The following ORC2 variants were observed in gnomAD, a reference collection of about 807,000 sequenced individuals.
ORC2 encodes the protein origin recognition complex subunit 2.
A neutral mutation model predicts 77.7 loss-of-function variants in ORC2; 37 were observed. The ratio of observed to expected loss-of-function variants is 0.48; its 90% CI spans 0.37 to 0.63. The LOEUF (loss-of-function observed/expected upper bound fraction) is 0.63, where lower values mean the gene tolerates loss of function less well. Ranked by LOEUF, ORC2 falls within the 20% of genes least tolerant of loss-of-function variation. The probability of loss-of-function intolerance (pLI) is 0.00; values close to 1 mark genes in which losing one functional copy is unlikely to be tolerated. For synonymous variants in ORC2, 201 were observed against 229.5 expected, an observed-to-expected ratio of 0.88 and a Z score of 1.12; for missense variants, 557 against 661.9, an observed-to-expected ratio of 0.84 and a Z score of 1.74.
chr2:200,950,959 G>GA (rs1245020909), intron 4 of ORC2, among the ~76,000 whole-genome samples: 1 of 152,074 alleles, frequency 6.6e-6, no homozygotes, highest in African/African-American at 2.4e-5. Flanking sequence ...TTTCTTCTCA[G>GA]AAAAAATATC....
intron 5 of ORC2, 59 bp downstream of exon 5, chr2:200,949,492 TGTG>T (rs2041312114): frequency 1.2e-6 from 1 of 852,060 alleles, no homozygotes; most frequent in Non-Finnish European, 2.0e-6. Context: ...TCATGGGGAA[TGTG>T]GTTAAATCTA....
intron 7 of ORC2, among the ~76,000 whole-genome samples, chr2:200,938,803 G>C (rs1257611760): frequency 1.3e-5 from 2 of 152,134 alleles, no homozygotes; most frequent in Admixed American, 6.5e-5. Context: ...ATTTTGGGAG[G>C]CCAAGGCGGG....
Position 200,913,403 on chromosome 2 carries a change from A to G in ORC2, c.1539T>C (p.Phe513=). ...QDNPSYIGLS[F]QDFYQQCREA... is the part of the protein sequence containing the mutation. The stretch of plus-strand genomic sequence containing the variant: ...CCCGACACTGCTGGTAAAAATCTTG[A>G]AAAGAAAGGCCTGGCAAGTTCAAAA... Residue 513 remains phenylalanine (F), a synonymous_variant, in exon 17 of 18, where the codon TTT becomes TTC. Coordinates refer to ENST00000234296, the MANE Select transcript of ORC2 (RefSeq NM_006190.5). 6.3e-7 allele frequency: 1 copy of G among 1,589,186 alleles called. No homozygotes were observed. The highest frequency in any genetic ancestry group is 1.7e-5 in the Admixed American group (1 of 59,292).
intron 5 of ORC2, among the ~76,000 whole-genome samples, chr2:200,946,307 T>C (rs1284742104): frequency 1.3e-5 from 2 of 152,254 alleles, no homozygotes; most frequent in East Asian, 3.9e-4. Flanking sequence ...TCATTTATAC[T>C]CAGAATAACA....
intron 15 of ORC2, among the ~76,000 whole-genome samples, chr2:200,915,841 A>G (rs1226472692): frequency 1.3e-5 from 2 of 152,014 alleles, no homozygotes; most frequent in African/African-American, 4.8e-5. Flanking sequence ...TTACAGGTGG[A>G]CACCACCACG....
chr2:200,910,340 T>C lies in ORC2; in HGVS notation c.*961A>G, dbSNP rs1283609406. 1.3e-5 allele frequency: 2 copies of C among 152,104 alleles called. No homozygotes were observed. Among genetic ancestry groups the C allele is most frequent in the African/African-American group, 4.8e-5 (2 of 41,430 alleles). 9.4% of individuals were successfully genotyped at this position (152,104 alleles called of 1,614,324 possible). A position where few individuals can be genotyped will look rare whatever the true frequency, so the allele number is the denominator to read the frequency against. On this transcript the variant is annotated 3_prime_UTR_variant, in exon 18 of 18. Transcript: ENST00000234296. ...GCGCAAATATTCAGGAGGTTTGAAA[T>C]CATCACTTTAAGGAAAAAACTGAAA...
chr2:200,911,319 CT>C lies in ORC2; in HGVS notation c.1715del (p.Lys572ArgfsTer13). 6.2e-7 allele frequency: 1 copy of C among 1,607,280 alleles called. No homozygotes were observed. The highest frequency in any genetic ancestry group is 8.5e-7 in the Non-Finnish European group (1 of 1,173,874). On this transcript the variant is annotated frameshift_variant, in exon 18 of 18. Transcript: ENST00000234296. LOFTEE classifies it high-confidence loss of function. The part of the protein sequence containing the change: ...DNGTLTDFLE[K>X]EEEEA ...GAAAGCTTCAAGCCTCCTCTTCTTC[CT>C]TTTCCAAGAAATCAGTCAATGTTCC...
intron 4 of ORC2, among the ~76,000 whole-genome samples, chr2:200,955,075 T>A (rs1302528470): frequency 6.6e-6 from 1 of 152,172 alleles, no homozygotes. Context: ...ATTTATTCCA[T>A]TGTGCCTCCA....
chr2:200,918,532 AGGCTG>A (rs2040698848), intron 15 of ORC2, among the ~76,000 whole-genome samples: 2 of 148,592 alleles, frequency 1.3e-5, no homozygotes, highest in Non-Finnish European at 1.5e-5. Context: ...TCTGTCACCC[AGGCTG>A]GAGTGCAGTG....
At chr2:200,914,285 C>A (rs2040603264) in intron 15 of ORC2, among the ~76,000 whole-genome samples, 1 of 151,806 alleles carries the variant, frequency 6.6e-6, no homozygotes, top group African/African-American at 2.4e-5. Flanking sequence ...CCTGCCTCAG[C>A]CTCCCAAGTA....
At chr2:200,915,744 A>G (rs2040637116) in intron 15 of ORC2, among the ~76,000 whole-genome samples, 1 of 151,882 alleles carries the variant, frequency 6.6e-6, no homozygotes, top group Admixed American at 6.6e-5. Flanking sequence ...CCCAGGTTGG[A>G]GTGCAGTGGT....
intron 4 of ORC2, among the ~76,000 whole-genome samples, chr2:200,954,501 C>T (rs896181953): frequency 2.6e-5 from 4 of 152,046 alleles, no homozygotes; most frequent in African/African-American, 7.2e-5. Flanking sequence ...TATTTATAAA[C>T]GTAATGGTGC....
Position 200,911,205 on chromosome 2 carries a change from T to A in ORC2, c.*96A>T, listed in dbSNP as rs938350914. 2.7e-6 allele frequency: 2 copies of A among 745,116 alleles called. No individual in the cohort carries two copies. Among genetic ancestry groups the A allele is most frequent in the African/African-American group, 3.5e-5 (2 of 56,592 alleles). The allele number at this position is 745,116 out of a possible 1,614,324, so 46.2% of individuals were successfully genotyped here. On this transcript the variant is annotated 3_prime_UTR_variant, in exon 18 of 18. Coordinates refer to ENST00000234296, the MANE Select transcript of ORC2 (RefSeq NM_006190.5). ...ATTTAAATCTTGTATGCTGGAAAAA[T>A]AATTTAATGTCAGATGTAAACACAA...
chr2:200,919,199 C>G (rs1035357364), intron 15 of ORC2, among the ~76,000 whole-genome samples: 1 of 152,190 alleles, frequency 6.6e-6, no homozygotes, highest in African/African-American at 2.4e-5. Flanking sequence ...CCCAAGAACA[C>G]AATATTTCTT....
rs759605180 is a variant in ORC2 at position 200,935,854 on chromosome 2, C to G, written c.553G>C (p.Ala185Pro). ...CCTTCATCATCCTCTGAGTTGGAAG[C>G]AGAATATTCGCTTTCACTGTCAGAA... is the stretch of plus-strand genomic sequence containing the variant. ...SHSDSESEYS[A>P]SNSEDDEGVA... The change falls in exon 9 of 18, where the codon GCT becomes CCT. Residue 185 changes from alanine (A) to proline (P), a missense_variant. Ala to Pro is a conservative substitution (Grantham distance 27). Coordinates refer to ENST00000234296, the MANE Select transcript of ORC2 (RefSeq NM_006190.5). 1 of 1,613,838 alleles carries G rather than the reference C, an allele frequency of 6.2e-7. No individual in the cohort carries two copies. Among genetic ancestry groups the G allele is most frequent in the Middle Eastern group, 1.7e-4 (1 of 6,058 alleles).
chr2:200,929,112 C>T (rs1028235787), intron 11 of ORC2, among the ~76,000 whole-genome samples: 1 of 152,146 alleles, frequency 6.6e-6, no homozygotes, highest in African/African-American at 2.4e-5. Context: ...CCACTAAGCC[C>T]GGCTAACTTT....
Position 200,914,244 on chromosome 2 carries a change from C to T in ORC2, c.1467-252G>A, listed in dbSNP as rs10196344. 7.2e-3 allele frequency among the ~76,000 whole-genome samples: 1,088 copies of T among 150,682 alleles called. 16 individuals carry two copies. The highest frequency in any genetic ancestry group is 0.025 in the African/African-American group (1,032 of 40,856). ...GCAGTGGCATGATCTTGGCTCACTG[C>T]AAGCTCTGCCTCCCGGGTTCACGCC... On this transcript the variant is annotated intron_variant, in intron 15 of 17. Transcript: ENST00000234296.
chr2:200,919,633 A>C (rs1400390823), intron 15 of ORC2, among the ~76,000 whole-genome samples: 1 of 152,246 alleles, frequency 6.6e-6, no homozygotes, highest in Non-Finnish European at 1.5e-5. Flanking sequence ...TGCTGGTATT[A>C]CAGGTGTAGG....
At chr2:200,962,261 CCTTGGTG>C (rs2041591492) in intron 1 of ORC2, among the ~76,000 whole-genome samples, 1 of 152,234 alleles carries the variant, frequency 6.6e-6, no homozygotes, top group South Asian at 2.1e-4. Context: ...CAAGGCACTG[CCTTGGTG>C]CTTATAGGCC....
Sources: allele counts gnomAD v4.1 joint callset (sites outside exome capture counted in the v4.1 genomes callset), GRCh38; gene constraint gnomAD v4.1.1; transcripts MANE v1.5; gene names NCBI Gene and HGNC (gene_info 2026-07-23, HGNC 2026-07-21).